SLC18A1: variants seen among roughly 807,000 people sequenced by gnomAD.
The protein encoded by SLC18A1 is chromaffin granule amine transporter.
SLC18A1 carries 69 observed loss-of-function variants against 53.7 expected under a neutral mutation model. That is an observed-to-expected ratio of 1.28 (90% CI 1.06 to 1.57). The LOEUF (loss-of-function observed/expected upper bound fraction) is 1.57, where lower values mean the gene tolerates loss of function less well. Ranked by LOEUF, SLC18A1 falls within the 40% of genes most tolerant of loss-of-function variation. The pLI is 0.00. For missense variants in SLC18A1, 932 were observed against 668.1 expected (o/e 1.40, Z -4.35); for synonymous variants, 320 against 248.1 (o/e 1.29, Z -2.72).
chr8:20,164,549 A>C lies in SLC18A1; in HGVS notation c.1015+320T>G, dbSNP rs150655364. Among the ~76,000 whole-genome samples, 939 of 152,288 alleles carry C rather than the reference A, an allele frequency of 6.2e-3. 9 individuals carry two copies. The highest frequency in any genetic ancestry group is 0.022 in the African/African-American group (900 of 41,552). Reference sequence around the variant, plus strand: ...AGAAAAGTGATGCTCAGAGGGTTTAAGGCATCTGCACAAGTTTTCACAGAA... The same window carrying C: ...AGAAAAGTGATGCTCAGAGGGTTTACGGCATCTGCACAAGTTTTCACAGAA... On this transcript the variant is annotated intron_variant, in intron 10 of 15. Coordinates refer to ENST00000276373, the MANE Select transcript of SLC18A1 (RefSeq NM_003053.4).
rs867054378 is a variant in SLC18A1 at position 20,164,215 on chromosome 8, G to C, written c.1015+654C>G. Among the ~76,000 whole-genome samples the C allele has an allele frequency of 2.6e-5, 4 of 151,998 alleles. No individual in the cohort carries two copies. In the East Asian group the frequency reaches 5.8e-4, roughly 22 times the overall value. On this transcript the variant is annotated intron_variant, in intron 10 of 15. Coordinates refer to ENST00000276373, the MANE Select transcript of SLC18A1 (RefSeq NM_003053.4). Reference sequence around the variant, plus strand: ...AGCCTTCCCTGTCCTCTTTCCTCAGGGTTCCTGGGAAGGGCTAGATCCTCC... The same window carrying C: ...AGCCTTCCCTGTCCTCTTTCCTCAGCGTTCCTGGGAAGGGCTAGATCCTCC...
chr8:20,173,169 CTTCTATCCGCCTCT>C, intron 5 of SLC18A1, 41 bp from the exon 6 acceptor site: 1 of 1,456,200 alleles, frequency 6.9e-7, no homozygotes, highest in Non-Finnish European at 9.4e-7. Flanking sequence ...CCCTGGGGGG[CTTCTATCCGCCTCT>C]CAGAGCCCTT....
At chr8:20,178,400 A>G (rs1391176128) in intron 4 of SLC18A1, 35 bp downstream of exon 4, 1 of 1,546,926 alleles carries the variant, frequency 6.5e-7, no homozygotes, top group South Asian at 1.2e-5. Flanking sequence ...AAAGGTAATC[A>G]GTGAAGGGAA....
intron 8 of SLC18A1, among the ~76,000 whole-genome samples, chr8:20,166,916 G>C (rs1361143049): frequency 6.6e-6 from 1 of 152,122 alleles, no homozygotes; most frequent in Non-Finnish European, 1.5e-5. Context: ...GGCCATGTGA[G>C]GACGCACTGA....
intron 8 of SLC18A1, among the ~76,000 whole-genome samples, chr8:20,169,399 G>A (rs2072053800): frequency 6.6e-6 from 1 of 151,968 alleles, no homozygotes; most frequent in Non-Finnish European, 1.5e-5. Context: ...CGGCAAATTA[G>A]ACTAAAGTAT....
At chr8:20,150,605 G>C (rs2071526722) in intron 11 of SLC18A1, 61 bp downstream of exon 11, 1 of 1,393,638 alleles carries the variant, frequency 7.2e-7, no homozygotes, top group Non-Finnish European at 1.0e-6. Flanking sequence ...TCCAAGATCA[G>C]GAACGGGCGC....
intron 15 of SLC18A1, among the ~76,000 whole-genome samples, chr8:20,146,943 T>C (rs1585185394): frequency 6.6e-6 from 1 of 152,080 alleles, no homozygotes; most frequent in Admixed American, 6.6e-5. Flanking sequence ...GTAACTCACA[T>C]CTTGCTAGTA....
chr8:20,150,083 T>C (rs1258335938), intron 11 of SLC18A1, among the ~76,000 whole-genome samples: 1 of 152,188 alleles, frequency 6.6e-6, no homozygotes, highest in African/African-American at 2.4e-5. Flanking sequence ...ACCTGTCCTA[T>C]TTTATTTGGT....
In SLC18A1 at chr8:20,147,152, A is replaced by G. The variant is rs990065238; in HGVS notation, c.1464+106T>C. ...ACATGGCAAAGCAGAGAGAGTATCAACAGAGCAATAGAGGGAGGAAATAAC... is the reference window on the plus strand; with the variant it reads ...ACATGGCAAAGCAGAGAGAGTATCAGCAGAGCAATAGAGGGAGGAAATAAC... On this transcript the variant is annotated intron_variant, in intron 15 of 15. Transcript: ENST00000276373. 17 of 1,226,094 alleles carry G rather than the reference A, an allele frequency of 1.4e-5. 1 individual carries two copies. In the South Asian group the frequency reaches 2.4e-4, roughly 17 times the overall value. The allele number at this position is 1,226,094 out of a possible 1,614,324, so 76.0% of individuals were successfully genotyped here.
chr8:20,178,372 C>T, intron 4 of SLC18A1, 63 bp downstream of exon 4: 1 of 1,326,166 alleles, frequency 7.5e-7, no homozygotes, highest in Non-Finnish European at 1.1e-6. Flanking sequence ...ATCTACACCG[C>T]ATTCACTTGA....
intron 10 of SLC18A1, 70 bp from the exon 11 acceptor site, chr8:20,150,814 GACACTGAA>G: frequency 7.4e-7 from 1 of 1,359,566 alleles, no homozygotes; most frequent in Non-Finnish European, 1.1e-6. Flanking sequence ...TCTCGTACAA[GACACTGAA>G]GTCCACCCCT....
chr8:20,154,275 G>C (rs2071629563), intron 10 of SLC18A1, among the ~76,000 whole-genome samples: 1 of 152,166 alleles, frequency 6.6e-6, no homozygotes, highest in Non-Finnish European at 1.5e-5. Flanking sequence ...CATTGCAAAA[G>C]AGTAGATTAA....
chr8:20,149,708 C>G lies in SLC18A1; in HGVS notation c.1114G>C (p.Gly372Arg). The G allele has an allele frequency of 6.2e-7, 1 of 1,613,638 alleles. No homozygotes were observed. The highest frequency in any genetic ancestry group is 8.5e-7 in the Non-Finnish European group (1 of 1,179,918). ...KMGRWLCSLI[G>R]MLVVGTSLLC... is the part of the protein sequence containing the mutation. Reference sequence around the variant, plus strand: ...AAGCTGGTACCTACTACCAGCATCCCGATTAGGGAACACAGCCACCTGGAA... The same window carrying G: ...AAGCTGGTACCTACTACCAGCATCCGGATTAGGGAACACAGCCACCTGGAA... Residue 372 changes from glycine to arginine, a missense_variant, in exon 12 of 16, where the codon GGG (glycine) becomes CGG (arginine). By Grantham distance (125) the Gly-to-Arg change is moderately radical (BLOSUM62 -2). Coordinates refer to ENST00000276373, the MANE Select transcript of SLC18A1 (RefSeq NM_003053.4).
At position 20,181,063 on chromosome 8, in the gene SLC18A1, A is replaced by T. The variant is rs2072417545; in HGVS notation, c.-99T>A. 7.1e-7 allele frequency: 1 copy of T among 1,417,256 alleles called. No homozygotes were observed. Among genetic ancestry groups the T allele is most frequent in the Non-Finnish European group, 9.4e-7 (1 of 1,064,184 alleles). The allele number at this position is 1,417,256 out of a possible 1,614,324, so 87.8% of individuals were successfully genotyped here. A position where few individuals can be genotyped will look rare whatever the true frequency, so the allele number is the denominator to read the frequency against. On this transcript the variant is annotated 5_prime_UTR_variant, in exon 2 of 16. Transcript: ENST00000276373. ...GCAGCCTTTATGGAAGAGGGGAGGG[A>T]GTCTGCCCAGACGAAGGAAACTCAC...
At chr8:20,157,427 T>C (rs2071710831) in intron 10 of SLC18A1, among the ~76,000 whole-genome samples, 1 of 152,138 alleles carries the variant, frequency 6.6e-6, no homozygotes, top group Admixed American at 6.5e-5. Context: ...TAGACTCTCA[T>C]TATGATGCAG....
intron 3 of SLC18A1, among the ~76,000 whole-genome samples, 192 bp from the exon 4 acceptor site, chr8:20,178,685 G>A (rs1286620704): frequency 6.6e-6 from 1 of 152,188 alleles, no homozygotes; most frequent in African/African-American, 2.4e-5. Flanking sequence ...ATGCAGATAT[G>A]ACCATAGATC....
In SLC18A1 at chr8:20,174,451, A is replaced by G. The variant is rs2072207148; in HGVS notation, c.548-7T>C. ...GTCCCAGAAAAAGCAAACACTGGGC[A>G]GAGAGAATAGCAAGATAACTGCAGT... is the stretch of plus-strand genomic sequence containing the variant. On this transcript the variant is annotated splice_polypyrimidine_tract_variant and splice_region_variant and intron_variant, in intron 4 of 15. Coordinates refer to ENST00000276373, the MANE Select transcript of SLC18A1 (RefSeq NM_003053.4). The G allele has an allele frequency of 6.2e-7, 1 of 1,608,692 alleles. No individual in the cohort carries two copies. The highest frequency in any genetic ancestry group is 8.5e-7 in the Non-Finnish European group (1 of 1,175,224).
rs1325055265 is a variant in SLC18A1, at chr8:20,149,902, T to C, written c.1095-175A>G. ...CCCAAATGAGCTCTCTCCCTGCCCTTTCCTTGTCTCCCCTGGCTCCATCCC... is the reference window on the plus strand; with the variant it reads ...CCCAAATGAGCTCTCTCCCTGCCCTCTCCTTGTCTCCCCTGGCTCCATCCC... On this transcript the variant is annotated intron_variant, in intron 11 of 15. Transcript: ENST00000276373. 2.0e-5 allele frequency among the ~76,000 whole-genome samples: 3 copies of C among 152,138 alleles called. No individual in the cohort carries two copies. In the East Asian group the frequency reaches 5.8e-4, roughly 29 times the overall value.
chr8:20,179,718 G>C (rs2128880722), intron 2 of SLC18A1, among the ~76,000 whole-genome samples: 1 of 152,332 alleles, frequency 6.6e-6, no homozygotes, highest in East Asian at 1.9e-4. Context: ...CTAAAAGACT[G>C]TGCCTGCCCA....
Sources: gnomAD v4.1 joint callset for allele counts (sites outside exome capture counted in the v4.1 genomes callset) on GRCh38, gnomAD v4.1.1 for gene constraint, MANE v1.5 for transcripts, NCBI Gene and HGNC (gene_info 2026-07-23, HGNC 2026-07-21) for gene names.